The following CYFIP2 variants were observed in gnomAD, a reference collection of about 807,000 sequenced individuals.
The protein encoded by CYFIP2 is cytoplasmic FMR1-interacting protein 2.
A neutral mutation model predicts 158.7 loss-of-function variants in CYFIP2; 29 were observed. That is an observed-to-expected ratio of 0.18 (90% CI 0.14 to 0.25). The LOEUF (loss-of-function observed/expected upper bound fraction) is 0.25, where lower values mean the gene tolerates loss of function less well. Among genes scored for constraint, CYFIP2 ranks in the 10% least tolerant of loss-of-function variants. CYFIP2 has a pLI of 1.00. For missense variants in CYFIP2, 852 were observed against 1,639.5 expected (o/e 0.52, Z 8.29); for synonymous variants, 585 against 617.6 (o/e 0.95, Z 0.78).
chr5:157,327,902 T>C, intron 18 of CYFIP2, 71 bp from the exon 19 acceptor site: 2 of 1,470,728 alleles, frequency 1.4e-6, no homozygotes, highest in Non-Finnish European at 1.9e-6. Flanking sequence ...GACTGCTGTC[T>C]TTCAGTTGGC....
At chr5:157,307,666 T>TAA in intron 8 of CYFIP2, 95 bp from the exon 9 acceptor site, 1 of 666,760 alleles carries the variant, frequency 1.5e-6, no homozygotes, top group Non-Finnish European at 2.8e-6. Flanking sequence ...TATGTGTGTG[T>TAA]GTGTGTGTGA....
chr5:157,337,150 A>G (rs1761913060), intron 21 of CYFIP2, among the ~76,000 whole-genome samples: 1 of 152,072 alleles, frequency 6.6e-6, no homozygotes, highest in Non-Finnish European at 1.5e-5. Context: ...TTTATTTAGT[A>G]CCCATCCTAA....
rs764928113 is a variant in CYFIP2 at position 157,383,285 on chromosome 5, C to T, written c.3133C>T (p.Arg1045Trp). ...YIKEGERLEVRMKRLEAKYAP... is the reference protein window; with the variant it reads ...YIKEGERLEVWMKRLEAKYAP... ...TGCAGAGGGGGAGCGCCTGGAGGTCCGGATGAAACGTCTGGAAGCCAAGTA... is the reference window on the plus strand; with the variant it reads ...TGCAGAGGGGGAGCGCCTGGAGGTCTGGATGAAACGTCTGGAAGCCAAGTA... Residue 1045 changes from arginine to tryptophan, a missense_variant, in exon 28 of 31, where the codon CGG (arginine) becomes TGG (tryptophan). This residue lies in a region of CYFIP2 where 223 missense variants were observed against 381.6 expected (regional missense o/e 0.58). Transcript: ENST00000620254. 3 of 1,613,750 alleles carry T rather than the reference C, an allele frequency of 1.9e-6. No individual in the cohort carries two copies. The highest frequency in any genetic ancestry group is 1.7e-5 in the Admixed American group (1 of 59,998).
At chr5:157,301,156 G>A (rs977825153) in intron 6 of CYFIP2, among the ~76,000 whole-genome samples, 12 of 152,276 alleles carry the variant, frequency 7.9e-5, no homozygotes, top group African/African-American at 2.6e-4. Flanking sequence ...CCCCATCTCT[G>A]GAGCAGCAGC....
At chr5:157,286,554 A>ATATGTGTG (rs1180564378) in intron 2 of CYFIP2, among the ~76,000 whole-genome samples, 3 of 57,308 alleles carry the variant, frequency 5.2e-5, no homozygotes, top group African/African-American at 1.4e-4. Flanking sequence ...TATTTTATGT[A>ATATGTGTG]TATATATATA....
At chr5:157,356,717 G>T (rs557783427) in intron 23 of CYFIP2, among the ~76,000 whole-genome samples, 36 of 152,260 alleles carry the variant, frequency 2.4e-4, no homozygotes, top group Non-Finnish European at 1.2e-4. Flanking sequence ...AAACTAAGCT[G>T]CACTCGCTTA....
intron 13 of CYFIP2, 81 bp downstream of exon 13, chr5:157,315,175 ACAG>A: frequency 6.5e-7 from 1 of 1,542,128 alleles, no homozygotes; most frequent in Non-Finnish European, 8.8e-7. Flanking sequence ...GAGCAAGAAA[ACAG>A]CATCGGTTGC....
chr5:157,311,346 C>T lies in CYFIP2; in HGVS notation c.993-318C>T. On this transcript the variant is annotated intron_variant, in intron 10 of 30. Transcript: ENST00000620254. This position sits in a 1 kb window ranked among gnomAD's most constrained non-coding sequence, Gnocchi z 4.7. Reference sequence around the variant, plus strand: ...GCTTTTTCTGTGCTCAGATTCCATCCCTTTGTAGTCCTAGAGAGGCTGTGT... The same window carrying T: ...GCTTTTTCTGTGCTCAGATTCCATCTCTTTGTAGTCCTAGAGAGGCTGTGT... The T allele has an allele frequency of 2.4e-6, 1 of 409,738 alleles. No individual in the cohort carries two copies. Among genetic ancestry groups the T allele is most frequent in the Non-Finnish European group, 4.6e-6 (1 of 216,816 alleles). The allele number at this position is 409,738 out of a possible 1,614,324, so 25.4% of individuals were successfully genotyped here. A position where few individuals can be genotyped will look rare whatever the true frequency, so the allele number is the denominator to read the frequency against.
chr5:157,360,043 C>T (rs1392551169), intron 24 of CYFIP2, among the ~76,000 whole-genome samples: 1 of 152,250 alleles, frequency 6.6e-6, no homozygotes, highest in African/African-American at 2.4e-5. Context: ...TAAGCATCCT[C>T]AGCCCCAGGA....
chr5:157,380,034 A>G (rs1331213264), intron 26 of CYFIP2: 4 of 152,218 alleles, frequency 2.6e-5, no homozygotes, highest in Non-Finnish European at 4.4e-5. Flanking sequence ...AGATGGAATC[A>G]TGGAGGGTCG....
At chr5:157,314,290 C>T (rs1759962690) in intron 11 of CYFIP2, 54 bp from the exon 12 acceptor site, 2 of 1,585,442 alleles carry the variant, frequency 1.3e-6, no homozygotes, top group East Asian at 2.3e-5. Context: ...AATGAGATAA[C>T]ATATAAAAGT....
chr5:157,353,372 C>T (rs1763201401), intron 23 of CYFIP2, among the ~76,000 whole-genome samples: 2 of 152,148 alleles, frequency 1.3e-5, no homozygotes, highest in South Asian at 4.1e-4. Context: ...TTTTCCAACG[C>T]ACCTTATTCA....
intron 26 of CYFIP2, among the ~76,000 whole-genome samples, chr5:157,382,059 A>G (rs777921157): frequency 3.9e-5 from 6 of 152,204 alleles, no homozygotes; most frequent in Admixed American, 6.5e-5. Context: ...ACAAATAACC[A>G]TTGAAACCAA....
Position 157,266,130 on chromosome 5 carries a change from C to A in CYFIP2, c.-89C>A, listed in dbSNP as rs1310733247. 6.6e-6 allele frequency: 1 copy of A among 150,742 alleles called. No homozygotes were observed. Among genetic ancestry groups the A allele is most frequent in the East Asian group, 1.9e-4 (1 of 5,154 alleles). The allele number at this position is 150,742 out of a possible 1,614,324, so 9.3% of individuals were successfully genotyped here. On this transcript the variant is annotated 5_prime_UTR_variant, in exon 1 of 31. Transcript: ENST00000620254. This position sits in a 1 kb window ranked among gnomAD's most constrained non-coding sequence, Gnocchi z 4.2. ...GGCGCAGCGGAGCGGGGCAGAGCAT[C>A]CTGCGCCCCGGCGCGGGGCCCTGCG...
intron 28 of CYFIP2, among the ~76,000 whole-genome samples, chr5:157,385,423 G>A (rs1766578598): frequency 1.3e-5 from 2 of 152,206 alleles, no homozygotes; most frequent in South Asian, 4.1e-4. Flanking sequence ...AGAAGGTTTG[G>A]GCACAGGGTA....
chr5:157,341,110 C>T lies in CYFIP2; in HGVS notation c.2626C>T (p.Arg876Ter). 2.5e-6 allele frequency: 4 copies of T among 1,613,972 alleles called. No individual in the cohort carries two copies. Among genetic ancestry groups the T allele is most frequent in the Non-Finnish European group, 3.4e-6 (4 of 1,179,874 alleles). The change falls in exon 23 of 31, where the codon CGA becomes TGA. Residue 876 changes from arginine to a stop codon, truncating the protein, a stop_gained. Transcript: ENST00000620254. LOFTEE classifies it high-confidence loss of function. Reference sequence around the variant, plus strand: ...CATTCCTTTCACCCAAGAACCACAACGAGACAAACCTGCCAACGTCCAGCC... The same window carrying T: ...CATTCCTTTCACCCAAGAACCACAATGAGACAAACCTGCCAACGTCCAGCC... Reference protein sequence around the residue: ...TAIPFTQEPQRDKPANVQPYY... With the variant: ...TAIPFTQEPQ
At chr5:157,299,136 C>A (rs527994517) in intron 5 of CYFIP2, among the ~76,000 whole-genome samples, 2 of 146,410 alleles carry the variant, frequency 1.4e-5, no homozygotes, top group Admixed American at 1.4e-4. Context: ...TTTAAATACC[C>A]TCTTAACTAT....
Position 157,307,773 on chromosome 5 carries a change from G to A in CYFIP2, c.808G>A (p.Gly270Ser). The part of the protein sequence containing the change: ...KHMLLKVMGF[G>S]LYLMDGNVSN... ...CTTCTCATTCTAGGTGATGGGCTTT[G>A]GCCTCTACCTAATGGATGGAAATGT... Residue 270 changes from glycine (G) to serine (S), a missense_variant, in exon 9 of 31, where the codon GGC becomes AGC. Coordinates refer to ENST00000620254, the MANE Select transcript of CYFIP2 (RefSeq NM_001037333.3). 6.2e-7 allele frequency: 1 copy of A among 1,606,796 alleles called. No homozygotes were observed. The highest frequency in any genetic ancestry group is 8.5e-7 in the Non-Finnish European group (1 of 1,174,926).
At chr5:157,298,059 T>C (rs1239090519) in intron 5 of CYFIP2, among the ~76,000 whole-genome samples, 1 of 152,228 alleles carries the variant, frequency 6.6e-6, no homozygotes, top group African/African-American at 2.4e-5. Context: ...CTCAGGCCCG[T>C]GGAAGCAGAG....
Sources: gnomAD v4.1 joint callset for allele counts (sites outside exome capture counted in the v4.1 genomes callset) on GRCh38, gnomAD v4.1.1 for gene constraint, gnomAD v4.1.1 regional missense constraint, Gnocchi (gnomAD v3.1) non-coding constraint, MANE v1.5 for transcripts, NCBI Gene and HGNC (gene_info 2026-07-23, HGNC 2026-07-21) for gene names.